The following ZNF609 variants were observed in gnomAD, a reference collection of about 807,000 sequenced individuals.
The protein encoded by ZNF609 is zinc finger protein 609.
A neutral mutation model predicts 109.5 loss-of-function variants in ZNF609; 11 were observed. That is an observed-to-expected ratio of 0.10 (90% CI 0.06 to 0.17). The LOEUF (loss-of-function observed/expected upper bound fraction) is 0.17, where lower values mean the gene tolerates loss of function less well. Among genes scored for constraint, ZNF609 ranks in the 10% least tolerant of loss-of-function variants. ZNF609 has a pLI of 1.00. For missense variants in ZNF609, 1,559 were observed against 1,772.4 expected, an observed-to-expected ratio of 0.88 and a Z score of 2.16; for synonymous variants, 646 against 662.0, an observed-to-expected ratio of 0.98 and a Z score of 0.37.
chr15:64,460,197 CTG>C (rs530688311), upstream of ZNF609, among the ~76,000 whole-genome samples: 94 of 152,170 alleles, frequency 6.2e-4, no homozygotes, highest in African/African-American at 2.2e-3. Flanking sequence ...CCTTTCCTCT[CTG>C]TGGTTGAAGG....
intron 3 of ZNF609, among the ~76,000 whole-genome samples, chr15:64,662,271 C>G (rs1896588527): frequency 6.6e-6 from 1 of 152,178 alleles, no homozygotes; most frequent in African/African-American, 2.4e-5. Flanking sequence ...CACCTTGTCT[C>G]AAAAGTCATG....
chr15:64,466,038 C>T lies in ZNF609; in HGVS notation c.-128+5200C>T, dbSNP rs1893009148. Among the ~76,000 whole-genome samples the T allele has an allele frequency of 2.0e-5, 3 of 149,078 alleles. No individual in the cohort carries two copies. In the Admixed American group the frequency reaches 2.1e-4, roughly 10 times the overall value. On this transcript the variant is annotated intron_variant, in intron 1 of 9. Coordinates refer to ENST00000326648, the MANE Select transcript of ZNF609 (RefSeq NM_015042.2). ...GGCTGAGGCAGGAGAATCGCTTGAA[C>T]CCGGGAGGTGGAGGTTGCAGTGAGC...
intron 2 of ZNF609, among the ~76,000 whole-genome samples, chr15:64,531,329 T>C (rs1894057851): frequency 6.6e-6 from 1 of 152,134 alleles, no homozygotes; most frequent in East Asian, 1.9e-4. Context: ...GATTGCTGAA[T>C]ACAAGATGAG....
At chr15:64,631,563 G>A (rs770384527) in intron 3 of ZNF609, 17 of 514,494 alleles carry the variant, frequency 3.3e-5, no homozygotes, top group East Asian at 8.8e-5. Flanking sequence ...ACGGAGTTTC[G>A]CTCTTGTTGC....
At chr15:64,577,107 A>C (rs1190712903) in intron 2 of ZNF609, among the ~76,000 whole-genome samples, 4 of 126,690 alleles carry the variant, frequency 3.2e-5, no homozygotes, top group East Asian at 2.1e-4. Flanking sequence ...TATACACACA[A>C]ATATATACAT....
intron 2 of ZNF609, among the ~76,000 whole-genome samples, chr15:64,535,120 G>C (rs980595571): frequency 6.6e-6 from 1 of 152,026 alleles, no homozygotes; most frequent in African/African-American, 2.4e-5. Flanking sequence ...GCAGTGATGT[G>C]ATCATAGTTT....
rs1010871990 is a variant in ZNF609 at position 64,618,756 on chromosome 15, C to T, written c.748-4071C>T. On this transcript the variant is annotated intron_variant, in intron 2 of 9. Transcript: ENST00000326648. ...TCTTCCGCCACGTGTGCTCTTCTGCCGGCATGCTCCTCTCAACGCCCTCTC... is the reference window on the plus strand; with the variant it reads ...TCTTCCGCCACGTGTGCTCTTCTGCTGGCATGCTCCTCTCAACGCCCTCTC... Among the ~76,000 whole-genome samples the T allele has an allele frequency of 1.7e-4, 26 of 152,224 alleles. No individual in the cohort carries two copies. In the East Asian group the frequency reaches 2.7e-3, roughly 16 times the overall value.
chr15:64,482,571 C>G (rs887511572), intron 1 of ZNF609, among the ~76,000 whole-genome samples: 4 of 151,930 alleles, frequency 2.6e-5, no homozygotes, highest in African/African-American at 9.7e-5. Flanking sequence ...GTGGTTCTGT[C>G]CATAAGAAGG....
chr15:64,572,090 G>A (rs992752961), intron 2 of ZNF609, among the ~76,000 whole-genome samples: 2 of 152,192 alleles, frequency 1.3e-5, no homozygotes, highest in Admixed American at 1.3e-4. Flanking sequence ...TTGAGAAAGG[G>A]AAAGAGGAAC....
chr15:64,610,725 C>T (rs2140960346), intron 2 of ZNF609, among the ~76,000 whole-genome samples: 1 of 152,234 alleles, frequency 6.6e-6, no homozygotes, highest in South Asian at 2.1e-4. Context: ...GGAGAATCAT[C>T]CCATTCCTCC....
chr15:64,675,379 G>T lies in ZNF609; in HGVS notation c.2525G>T (p.Ser842Ile). 6.2e-7 allele frequency: 1 copy of T among 1,614,142 alleles called. No homozygotes were observed. Reference protein sequence around the residue: ...GAEASSVKTNSPAYSDISDAG... With the variant: ...GAEASSVKTNIPAYSDISDAG... ...GAAGCCAGCTCAGTCAAAACCAACA[G>T]CCCTGCATACTCTGACATCTCTGAT... The change falls in exon 5 of 10, where the codon AGC becomes ATC. Residue 842 changes from serine (S) to isoleucine (I), a missense_variant. Ser to Ile is a moderately radical substitution (Grantham distance 142). Around this residue, in one of 4 missense-constraint regions of ZNF609, gnomAD observed 1,204 missense variants for 1,314.1 expected, o/e 0.92. Coordinates refer to ENST00000326648, the MANE Select transcript of ZNF609 (RefSeq NM_015042.2).
intron 2 of ZNF609, among the ~76,000 whole-genome samples, chr15:64,571,665 T>C (rs186896614): frequency 3.2e-4 from 48 of 152,218 alleles, no homozygotes; most frequent in African/African-American, 1.1e-3. Flanking sequence ...TTTTATGTAG[T>C]TGAGTCTTTT....
intron 2 of ZNF609, among the ~76,000 whole-genome samples, chr15:64,530,514 A>C (rs533937273): frequency 1.3e-5 from 2 of 152,236 alleles, no homozygotes; most frequent in African/African-American, 2.4e-5. Context: ...TGCTAAGTAT[A>C]ATACTTGATA....
At chr15:64,596,664 A>G (rs1895403557) in intron 2 of ZNF609, among the ~76,000 whole-genome samples, 1 of 152,198 alleles carries the variant, frequency 6.6e-6, no homozygotes, top group South Asian at 2.1e-4. Flanking sequence ...AGCAGTTTCT[A>G]ATTTATATCT....
chr15:64,508,951 C>T (rs893793015), intron 2 of ZNF609, among the ~76,000 whole-genome samples: 3 of 152,112 alleles, frequency 2.0e-5, no homozygotes, highest in Non-Finnish European at 1.5e-5. Context: ...GCCTTGGCCT[C>T]CCAAAGTGTT....
intron 2 of ZNF609, among the ~76,000 whole-genome samples, chr15:64,568,834 T>C (rs1026708500): frequency 3.3e-5 from 5 of 152,240 alleles, no homozygotes; most frequent in African/African-American, 1.2e-4. Flanking sequence ...GCCATGGACT[T>C]AGGGTTAGAC....
intron 2 of ZNF609, among the ~76,000 whole-genome samples, chr15:64,534,468 C>T (rs1306224528): frequency 1.3e-5 from 2 of 152,048 alleles, no homozygotes; most frequent in Admixed American, 6.5e-5. Flanking sequence ...GCATGCGCCA[C>T]CATGCCTGGC....
intron 2 of ZNF609, among the ~76,000 whole-genome samples, chr15:64,610,902 C>T (rs186070418): frequency 6.5e-4 from 99 of 152,226 alleles, no homozygotes; most frequent in African/African-American, 2.3e-3. Flanking sequence ...GCCTAGGAAT[C>T]GCTGTTTAAG....
intron 2 of ZNF609, among the ~76,000 whole-genome samples, chr15:64,614,110 G>A (rs1384108294): frequency 4.0e-5 from 6 of 149,396 alleles, no homozygotes; most frequent in Non-Finnish European, 7.4e-5. Context: ...TAGTAGAGAC[G>A]GGGTTTCACC....
Sources: allele counts gnomAD v4.1 joint callset (sites outside exome capture counted in the v4.1 genomes callset), GRCh38; gene constraint gnomAD v4.1.1; regional missense constraint gnomAD v4.1.1; transcripts MANE v1.5; gene names NCBI Gene and HGNC (gene_info 2026-07-23, HGNC 2026-07-21).